Variants in TRIO observed in about 807,000 individuals in gnomAD.
The protein encoded by TRIO is trio Rho guanine nucleotide exchange factor.
TRIO carries 58 observed loss-of-function variants against 351.9 expected under a neutral mutation model. The observed-to-expected ratio is 0.16, with a 90% CI of 0.13 to 0.21. The LOEUF is 0.21. TRIO is among the 10% of genes least tolerant of loss of function. TRIO has a pLI of 1.00. For missense variants in TRIO, 3,201 were observed against 4,027.8 expected (o/e 0.79, Z 5.56); for synonymous variants, 1,758 against 1,595.7 (o/e 1.10, Z -2.42).
chr5:14,491,877 G>T (rs1485631992), intron 48 of TRIO, among the ~76,000 whole-genome samples: 1 of 152,226 alleles, frequency 6.6e-6, no homozygotes, highest in Non-Finnish European at 1.5e-5. Context: ...CATGGCAGCA[G>T]AGCCTTGGGG....
At position 14,359,509 on chromosome 5, in the gene TRIO, T is replaced by C. The variant is rs1257590697; in HGVS notation, c.2369T>C (p.Ile790Thr). 2 of 1,614,066 alleles carry C rather than the reference T, an allele frequency of 1.2e-6. No individual in the cohort carries two copies. Among genetic ancestry groups the C allele is most frequent in the Non-Finnish European group, 1.7e-6 (2 of 1,179,890 alleles). ...CTGGAGCTCTTCCTGCAGCTGCGCATCTTCGAGAGGGACGCCATCGACGTG... is the reference window on the plus strand; with the variant it reads ...CTGGAGCTCTTCCTGCAGCTGCGCACCTTCGAGAGGGACGCCATCGACGTG... Reference protein sequence around the residue: ...IKLELFLQLRIFERDAIDIIS... With the variant: ...IKLELFLQLRTFERDAIDIIS... The change falls in exon 13 of 57, where the codon ATC becomes ACC. Residue 790 changes from isoleucine (I) to threonine (T), a missense_variant. Transcript: ENST00000344204.
chr5:14,497,993 A>G lies in TRIO; in HGVS notation c.8048-96A>G. ...TTTCCGTGGCGCTCTAGGCGTGCAT[A>G]GCAGGTTAGGTCCTATCAATCTGTC... On this transcript the variant is annotated intron_variant, in intron 51 of 56. Coordinates refer to ENST00000344204, the MANE Select transcript of TRIO (RefSeq NM_007118.4). This position sits in a 1 kb window ranked among gnomAD's most constrained non-coding sequence, Gnocchi z 4.4. 4.3e-6 allele frequency: 7 copies of G among 1,610,170 alleles called. No homozygotes were observed. Among genetic ancestry groups the G allele is most frequent in the Non-Finnish European group, 5.9e-6 (7 of 1,176,752 alleles).
intron 11 of TRIO, among the ~76,000 whole-genome samples, chr5:14,346,843 G>A (rs367975948): frequency 3.3e-5 from 5 of 152,338 alleles, no homozygotes; most frequent in Admixed American, 1.3e-4. Context: ...GCTAGCACGA[G>A]ACCAAAACTC....
intron 31 of TRIO, among the ~76,000 whole-genome samples, chr5:14,402,921 G>T (rs976932366): frequency 6.6e-6 from 1 of 152,062 alleles, no homozygotes; most frequent in South Asian, 2.1e-4. Context: ...AGATTTTGTT[G>T]GTCTAGATGG....
At chr5:14,471,191 A>C in intron 37 of TRIO, 127 bp from the exon 38 acceptor site, 1 of 1,280,620 alleles carries the variant, frequency 7.8e-7, no homozygotes, top group South Asian at 2.0e-5. Flanking sequence ...AATTTCACAA[A>C]CAAAGATTTT....
In TRIO at chr5:14,465,550, T is replaced by A. The variant is rs759247777; in HGVS notation, c.5673T>A (p.Ser1891=). ...LQPDSQDDKA[S]SRLLVRPTSS... ...TTTCTTAATTTCTTCTGTAGGCCTC[T>A]TCTCGGTTATTAGTCCGCCCCACCA... is the stretch of plus-strand genomic sequence containing the variant. Residue 1891 remains serine, a synonymous_variant, in exon 37 of 57, where the codon TCT becomes TCA. Coordinates refer to ENST00000344204, the MANE Select transcript of TRIO (RefSeq NM_007118.4). 5.3e-5 allele frequency: 85 copies of A among 1,613,882 alleles called. No homozygotes were observed. The highest frequency in any genetic ancestry group is 7.1e-5 in the Non-Finnish European group (84 of 1,179,964).
chr5:14,203,645 C>T (rs1022667949), intron 1 of TRIO, among the ~76,000 whole-genome samples: 5 of 152,120 alleles, frequency 3.3e-5, no homozygotes, highest in African/African-American at 7.2e-5. Context: ...AGTAATTGTC[C>T]GGTGTGGCGT....
intron 1 of TRIO, among the ~76,000 whole-genome samples, chr5:14,268,860 C>T (rs1230192338): frequency 2.0e-5 from 3 of 152,182 alleles, no homozygotes; most frequent in Admixed American, 1.3e-4. Context: ...ACGGCAGCCA[C>T]GGCAGATGAA....
At chr5:14,181,561 TG>T (rs1446035719) in intron 1 of TRIO, among the ~76,000 whole-genome samples, 2 of 151,950 alleles carry the variant, frequency 1.3e-5, no homozygotes, top group African/African-American at 2.4e-5. Flanking sequence ...GGAGCGTTTC[TG>T]GGGGGCGTAG....
chr5:14,484,281 G>T (rs1461785624), intron 46 of TRIO, among the ~76,000 whole-genome samples: 1 of 152,166 alleles, frequency 6.6e-6, no homozygotes, highest in Non-Finnish European at 1.5e-5. Context: ...ATAGGTTTTA[G>T]TGATATTTGA....
chr5:14,221,267 A>G (rs780450047), intron 1 of TRIO, among the ~76,000 whole-genome samples: 1 of 152,080 alleles, frequency 6.6e-6, no homozygotes, highest in Admixed American at 6.6e-5. Flanking sequence ...TTGACAATAC[A>G]CCTAGTCACC....
rs751736444 is a variant in TRIO, at chr5:14,507,204, G to C, written c.8695G>C (p.Val2899Leu). The change falls in exon 56 of 57, where the codon GTT (valine) becomes CTT (leucine). Residue 2899 changes from valine (V) to leucine (L), a missense_variant. By Grantham distance (32) the Val-to-Leu change is conservative. Coordinates refer to ENST00000344204, the MANE Select transcript of TRIO (RefSeq NM_007118.4). ...GAAGATCAGGGCGCACCTGGGGGAG[G>C]TTCTGGAAGCTGTCCGGTACCTGCA... Reference protein sequence around the residue: ...EGKIRAHLGEVLEAVRYLHNC... With the variant: ...EGKIRAHLGELLEAVRYLHNC... 6.2e-7 allele frequency: 1 copy of C among 1,612,134 alleles called. No homozygotes were observed. Among genetic ancestry groups the C allele is most frequent in the Non-Finnish European group, 8.5e-7 (1 of 1,179,884 alleles).
Position 14,317,497 on chromosome 5 carries a change from G to A in TRIO, c.1731+754G>A, listed in dbSNP as rs554117673. 2.2e-4 allele frequency among the ~76,000 whole-genome samples: 34 copies of A among 152,290 alleles called. No individual in the cohort carries two copies. In the South Asian group the frequency reaches 6.2e-3, roughly 28 times the overall value. ...CTCAGGAAGTTGGCTGGGAACCGCC[G>A]TGATAAGCCTGCAGTAGAGCCACTC... is the stretch of plus-strand genomic sequence containing the variant. On this transcript the variant is annotated intron_variant, in intron 9 of 56. Transcript: ENST00000344204.
chr5:14,227,449 T>C (rs1793120925), intron 1 of TRIO, among the ~76,000 whole-genome samples: 1 of 152,238 alleles, frequency 6.6e-6, no homozygotes, highest in Non-Finnish European at 1.5e-5. Context: ...TCATTTGTGG[T>C]TGTCATACTG....
chr5:14,328,161 A>G (rs1385436917), intron 9 of TRIO, among the ~76,000 whole-genome samples: 1 of 152,256 alleles, frequency 6.6e-6, no homozygotes, highest in Non-Finnish European at 1.5e-5. Flanking sequence ...CCAATACGCT[A>G]GTTAAAACAA....
At chr5:14,382,942 G>GGT (rs370087208) in intron 21 of TRIO, among the ~76,000 whole-genome samples, 63 of 151,898 alleles carry the variant, frequency 4.1e-4, no homozygotes, top group African/African-American at 1.3e-3. Flanking sequence ...CGTATTTAGG[G>GGT]GTGTGTGTGT....
At chr5:14,371,120 A>C (rs904147760) in intron 18 of TRIO, among the ~76,000 whole-genome samples, 1 of 152,228 alleles carries the variant, frequency 6.6e-6, no homozygotes, top group Non-Finnish European at 1.5e-5. Flanking sequence ...ATTTTGCCCA[A>C]CTGCAGGCCA....
Position 14,488,044 on chromosome 5 carries a change from C to A in TRIO, c.7416C>A (p.Pro2472=). ...CGGTCCCTTCTCTCGGCAAGGAGCC[C>A]TTCCCCCCCAGCAGCCCCCTGCAGA... ...SSAVPSLGKE[P]FPPSSPLQKG... The change falls in exon 48 of 57, where the codon CCC becomes CCA. Residue 2472 remains proline, a synonymous_variant. Transcript: ENST00000344204. 1 of 1,608,174 alleles carries A rather than the reference C, an allele frequency of 6.2e-7. No homozygotes were observed. The highest frequency in any genetic ancestry group is 2.2e-5 in the East Asian group (1 of 44,634).
chr5:14,319,564 AATCC>A (rs1739681341), intron 9 of TRIO, among the ~76,000 whole-genome samples: 1 of 152,316 alleles, frequency 6.6e-6, no homozygotes, highest in African/African-American at 2.4e-5. Context: ...TAGTAACCGA[AATCC>A]ATAAAAACAT....
Sources: gnomAD v4.1 joint callset for allele counts (sites outside exome capture counted in the v4.1 genomes callset) on GRCh38, gnomAD v4.1.1 for gene constraint, Gnocchi (gnomAD v3.1) non-coding constraint, MANE v1.5 for transcripts, NCBI Gene and HGNC (gene_info 2026-07-23, HGNC 2026-07-21) for gene names.